The following HPSE2 variants were observed in gnomAD, a reference collection of about 807,000 sequenced individuals.
The protein encoded by HPSE2 is inactive heparanase-2.
A neutral mutation model predicts 60.5 loss-of-function variants in HPSE2; 38 were observed. The observed-to-expected ratio is 0.63, with a 90% CI of 0.48 to 0.82. HPSE2 has a LOEUF of 0.82. HPSE2 is among the 40% of genes least tolerant of loss of function. The probability of loss-of-function intolerance (pLI) is 0.00; values close to 1 mark genes in which losing one functional copy is unlikely to be tolerated. For synonymous variants in HPSE2, 295 were observed against 293.2 expected, an observed-to-expected ratio of 1.01 and a Z score of -0.06; for missense variants, 713 against 740.4, an observed-to-expected ratio of 0.96 and a Z score of 0.43.
intron 9 of HPSE2, among the ~76,000 whole-genome samples, chr10:98,556,994 G>A (rs944966708): frequency 1.3e-5 from 2 of 151,426 alleles, no homozygotes; most frequent in Admixed American, 1.3e-4. Flanking sequence ...CGTGGATCTC[G>A]AGGTCAGGAG....
intron 2 of HPSE2, among the ~76,000 whole-genome samples, chr10:99,178,277 A>G (rs1252348984): frequency 6.6e-6 from 1 of 151,818 alleles, no homozygotes; most frequent in Non-Finnish European, 1.5e-5. Flanking sequence ...TCACAGCAGA[A>G]CTGAAGGAGA....
intron 3 of HPSE2, among the ~76,000 whole-genome samples, chr10:98,790,420 T>C (rs750974044): frequency 2.6e-5 from 4 of 152,112 alleles, no homozygotes; most frequent in Admixed American, 2.0e-4. Flanking sequence ...ATCTCACTTA[T>C]ATGTGGAATC....
At chr10:99,097,049 T>C (rs1305739258) in intron 3 of HPSE2, among the ~76,000 whole-genome samples, 1 of 152,180 alleles carries the variant, frequency 6.6e-6, no homozygotes, top group Non-Finnish European at 1.5e-5. Flanking sequence ...TATGCAAATA[T>C]GCTGCCTAGG....
chr10:98,757,813 C>T (rs1207087329), intron 3 of HPSE2, among the ~76,000 whole-genome samples: 1 of 152,100 alleles, frequency 6.6e-6, no homozygotes, highest in Non-Finnish European at 1.5e-5. Flanking sequence ...CTACCAATGA[C>T]ATTTTCCACA....
chr10:98,684,862 A>G (rs1055074848), intron 6 of HPSE2, among the ~76,000 whole-genome samples: 11 of 152,178 alleles, frequency 7.2e-5, no homozygotes, highest in Non-Finnish European at 5.9e-5. Flanking sequence ...AAGAAAAAAG[A>G]TTCCCTATAC....
chr10:99,059,929 T>C (rs1243725319), intron 3 of HPSE2, among the ~76,000 whole-genome samples: 1 of 151,960 alleles, frequency 6.6e-6, no homozygotes, highest in Non-Finnish European at 1.5e-5. Context: ...TAATTCAACA[T>C]ATATGAAAAT....
chr10:99,088,945 T>G (rs972604940), intron 3 of HPSE2, among the ~76,000 whole-genome samples: 3 of 152,232 alleles, frequency 2.0e-5, no homozygotes, highest in African/African-American at 7.2e-5. Flanking sequence ...AGGTTGAACA[T>G]TTTTCATGTT....
chr10:98,687,480 GA>G (rs1295609059), intron 6 of HPSE2, among the ~76,000 whole-genome samples: 7 of 152,124 alleles, frequency 4.6e-5, no homozygotes, highest in Non-Finnish European at 1.0e-4. Flanking sequence ...GGATATTCCA[GA>G]ATAAGCTCCT....
intron 2 of HPSE2, among the ~76,000 whole-genome samples, chr10:99,186,154 A>ACACACACACACACACAC (rs1589795210): frequency 1.3e-5 from 2 of 149,610 alleles, no homozygotes; most frequent in Non-Finnish European, 3.0e-5. Flanking sequence ...ACACACACAC[A>ACACACACACACACACAC]AGGCATATCA....
intron 3 of HPSE2, among the ~76,000 whole-genome samples, chr10:99,112,415 G>GTGTTGTGTTT (rs749829366): frequency 6.6e-5 from 9 of 136,012 alleles, no homozygotes; most frequent in African/African-American, 2.4e-4. Context: ...TTTTTTTGTT[G>GTGTTGTGTTT]TGTTTTGTTT....
chr10:99,278,521 T>A, the HPSE2 span, among the ~76,000 whole-genome samples: 1 of 152,054 alleles, frequency 6.6e-6, no homozygotes, highest in Non-Finnish European at 1.5e-5. Context: ...GGATTTCCCA[T>A]CCAAAAATTT....
chr10:99,135,659 G>A (rs928393053), intron 3 of HPSE2, among the ~76,000 whole-genome samples: 41 of 152,064 alleles, frequency 2.7e-4, no homozygotes, highest in Admixed American at 1.9e-3. Context: ...CAATGAGAAC[G>A]AAGACACAAC....
chr10:99,081,039 C>T (rs566663627), intron 3 of HPSE2, among the ~76,000 whole-genome samples: 105 of 152,292 alleles, frequency 6.9e-4, no homozygotes, highest in African/African-American at 2.3e-3. Context: ...CGTGATCCAC[C>T]CACCTCGGCC....
upstream of HPSE2, among the ~76,000 whole-genome samples, chr10:99,238,377 C>T (rs1187637059): frequency 6.6e-6 from 1 of 152,190 alleles, no homozygotes; most frequent in South Asian, 2.1e-4. Context: ...ACTGACCTAA[C>T]TACTCTATAA....
chr10:99,223,137 T>C (rs2862531), intron 2 of HPSE2, among the ~76,000 whole-genome samples: 133,283 of 152,120 alleles, frequency 0.88, 58,593 homozygotes, highest in African/African-American at 0.94. Context: ...TCACTGAGTC[T>C]CTGTGGCACA....
At chr10:98,562,007 G>A (rs1334081272) in intron 9 of HPSE2, among the ~76,000 whole-genome samples, 2 of 152,186 alleles carry the variant, frequency 1.3e-5, no homozygotes, top group Non-Finnish European at 2.9e-5. Context: ...CTCATCCAGA[G>A]CAGTTGCCAG....
intron 3 of HPSE2, among the ~76,000 whole-genome samples, chr10:98,957,444 G>C (rs1955537918): frequency 6.6e-6 from 1 of 152,132 alleles, no homozygotes; most frequent in Non-Finnish European, 1.5e-5. Flanking sequence ...ACAGCATGAA[G>C]TCAGAAGACT....
At position 98,552,373 on chromosome 10, in the gene HPSE2, C is replaced by T. The variant is rs538754265; in HGVS notation, c.1321-62177G>A. Among the ~76,000 whole-genome samples the T allele has an allele frequency of 7.2e-5, 11 of 152,110 alleles. 1 individual carries two copies. The South Asian group carries it at 1.0e-3, about 14-fold the overall frequency. ...AGGGTTTTATGACACTTAATATTAA[C>T]GCACTTAGAACTGTGCCTGGCACAT... On this transcript the variant is annotated intron_variant, in intron 9 of 11. Transcript: ENST00000370552.
At chr10:99,104,918 C>G (rs546936030) in intron 3 of HPSE2, among the ~76,000 whole-genome samples, 1 of 151,170 alleles carries the variant, frequency 6.6e-6, no homozygotes. Flanking sequence ...GTCGTGGGGT[C>G]GGGGGAGAGG....
Sources: allele counts gnomAD v4.1 joint callset (sites outside exome capture counted in the v4.1 genomes callset), GRCh38; gene constraint gnomAD v4.1.1; transcripts MANE v1.5; gene names NCBI Gene and HGNC (gene_info 2026-07-23, HGNC 2026-07-21).